The following MAGI3 variants were observed in gnomAD, a reference collection of about 807,000 sequenced individuals.
MAGI3 encodes the protein membrane-associated guanylate kinase, WW and PDZ domain-containing protein 3.
Under a neutral mutation model 121.8 loss-of-function variants are expected in MAGI3, and 43 were observed. That is an observed-to-expected ratio of 0.35 (90% CI 0.28 to 0.46). The LOEUF is 0.46. MAGI3 is among the 20% of genes least tolerant of loss of function. The pLI, the probability that MAGI3 is intolerant of heterozygous loss-of-function variation, is 1.00. For synonymous variants in MAGI3, 553 were observed against 639.3 expected (o/e 0.86, Z 2.04); for missense variants, 1,547 against 1,797.3 (o/e 0.86, Z 2.52).
chr1:113,625,738 A>G (rs1393303105), intron 9 of MAGI3, among the ~76,000 whole-genome samples: 2 of 152,126 alleles, frequency 1.3e-5, no homozygotes, highest in Non-Finnish European at 2.9e-5. Context: ...GTGTTGAGTA[A>G]CAGTGGTGAA....
At chr1:113,485,648 G>A (rs867942529) in intron 1 of MAGI3, among the ~76,000 whole-genome samples, 5 of 152,050 alleles carry the variant, frequency 3.3e-5, no homozygotes, top group Admixed American at 1.3e-4. Context: ...CTTTTGCTTC[G>A]CAGAAGCTTT....
chr1:113,590,393 A>G, intron 4 of MAGI3, 91 bp from the exon 5 acceptor site: 2 of 1,230,450 alleles, frequency 1.6e-6, no homozygotes, highest in Non-Finnish European at 1.1e-6. Flanking sequence ...ATATTTATGT[A>G]TTTGGAATTT....
chr1:113,599,572 A>G (rs557291056), intron 6 of MAGI3, among the ~76,000 whole-genome samples: 5 of 152,088 alleles, frequency 3.3e-5, no homozygotes, highest in African/African-American at 9.6e-5. Context: ...AATTGTGGCA[A>G]TAATCAATAG....
At chr1:113,445,124 G>A (rs974646591) in intron 1 of MAGI3, among the ~76,000 whole-genome samples, 10 of 152,094 alleles carry the variant, frequency 6.6e-5, no homozygotes, top group African/African-American at 2.4e-5. Flanking sequence ...CTACCAAGTG[G>A]ACCAACATAA....
At chr1:113,509,231 C>T (rs1184203000) in intron 1 of MAGI3, among the ~76,000 whole-genome samples, 3 of 152,046 alleles carry the variant, frequency 2.0e-5, no homozygotes, top group African/African-American at 4.8e-5. Context: ...AAAAACCCCA[C>T]TAACAACCCT....
chr1:113,412,426 T>C (rs892673661), intron 1 of MAGI3, among the ~76,000 whole-genome samples: 1 of 152,198 alleles, frequency 6.6e-6, no homozygotes, highest in Non-Finnish European at 1.5e-5. Flanking sequence ...ATTCTAGTTC[T>C]AGATCCTTGA....
intron 1 of MAGI3, among the ~76,000 whole-genome samples, chr1:113,466,516 A>G (rs745380814): frequency 3.9e-5 from 6 of 152,076 alleles, no homozygotes; most frequent in Middle Eastern, 6.8e-3. Flanking sequence ...GAGTTTGGAT[A>G]TATTCCCTCT....
chr1:113,513,985 A>G (rs1396512635), intron 1 of MAGI3, among the ~76,000 whole-genome samples: 6 of 152,088 alleles, frequency 3.9e-5, no homozygotes, highest in African/African-American at 1.2e-4. Flanking sequence ...GACACTTCTC[A>G]AAAGAAGACA....
At chr1:113,559,804 C>T (rs187923518) in intron 2 of MAGI3, among the ~76,000 whole-genome samples, 73 of 152,262 alleles carry the variant, frequency 4.8e-4, no homozygotes, top group African/African-American at 1.8e-3. Context: ...TTCCTGACCT[C>T]AAGTGGTCTA....
intron 7 of MAGI3, among the ~76,000 whole-genome samples, chr1:113,615,931 ATT>A (rs1265138689): frequency 6.6e-6 from 1 of 152,050 alleles, no homozygotes; most frequent in African/African-American, 2.4e-5. Flanking sequence ...GTTTTGCAGG[ATT>A]TTTTTCTTCC....
At chr1:113,503,219 TAAAAAAAAAAAAAA>T (rs869272201) in intron 1 of MAGI3, among the ~76,000 whole-genome samples, 68 of 8,986 alleles carry the variant, frequency 7.6e-3, no homozygotes, top group African/African-American at 0.039. Flanking sequence ...AGAGTATAAT[TAAAAAAAAAAAAAA>T]AAAAAAAAAA....
Position 113,651,188 on chromosome 1 carries a change from C to T in MAGI3, c.2422C>T (p.Arg808Trp), listed in dbSNP as rs1301277709. ...TGGCCATGTGTTACTAACTGTCAGA[C>T]GGAAGATCTTCTATGGAGGTGTGTG... is the stretch of plus-strand genomic sequence containing the variant. ...RNGHVLLTVRRKIFYGEKQPE... is the reference protein window; with the variant it reads ...RNGHVLLTVRWKIFYGEKQPE... Residue 808 changes from arginine (R) to tryptophan (W), a missense_variant, in exon 14 of 21, where the codon CGG (arginine) becomes TGG (tryptophan). Transcript: ENST00000307546. 7 of 1,611,312 alleles carry T rather than the reference C, an allele frequency of 4.3e-6. No individual in the cohort carries two copies. Among genetic ancestry groups the T allele is most frequent in the African/African-American group, 1.3e-5 (1 of 74,764 alleles).
chr1:113,586,423 A>G (rs1311443930), intron 4 of MAGI3, among the ~76,000 whole-genome samples: 3 of 152,166 alleles, frequency 2.0e-5, no homozygotes, highest in Admixed American at 1.3e-4. Flanking sequence ...AATCTTTTTC[A>G]TCAATTATTA....
chr1:113,487,664 A>G (rs34118444), intron 1 of MAGI3, among the ~76,000 whole-genome samples: 2 of 152,134 alleles, frequency 1.3e-5, no homozygotes, highest in Admixed American at 1.3e-4. Flanking sequence ...ATACATTATA[A>G]CAAATTTAAG....
chr1:113,550,697 A>C (rs1659745749), intron 2 of MAGI3, among the ~76,000 whole-genome samples: 1 of 151,006 alleles, frequency 6.6e-6, no homozygotes. Context: ...CGGAGATTGC[A>C]GTGAGCCGAG....
rs1648256210 is a variant in MAGI3, at chr1:113,682,141, A to G, written c.3329-756A>G. The G allele has an allele frequency of 9.9e-6, 15 of 1,516,338 alleles. 1 individual carries two copies. Among genetic ancestry groups the G allele is most frequent in the Admixed American group, 2.2e-5 (1 of 46,476 alleles). 93.9% of individuals were successfully genotyped at this position (1,516,338 alleles called of 1,614,324 possible). A position where few individuals can be genotyped will look rare whatever the true frequency, so the allele number is the denominator to read the frequency against. ...TTGTAAATCATATGTTCCCAGTGAC[A>G]TCTTTGCTAACTGCACTGATTTTTT... On this transcript the variant is annotated intron_variant, in intron 20 of 20. Transcript: ENST00000307546.
At chr1:113,637,782 G>A (rs1216950291) in intron 9 of MAGI3, among the ~76,000 whole-genome samples, 1 of 151,874 alleles carries the variant, frequency 6.6e-6, no homozygotes, top group Non-Finnish European at 1.5e-5. Flanking sequence ...GGCCTGCCTT[G>A]CTAGGTTGGG....
In MAGI3 at chr1:113,585,384, C is replaced by T; in HGVS notation, c.554-3C>T. On this transcript the variant is annotated splice_region_variant and splice_polypyrimidine_tract_variant and intron_variant, in intron 3 of 20. Transcript: ENST00000307546. Reference sequence around the variant, plus strand: ...ATTTCAGCTGCTATTTTATTCACTTCAGGAAACTTCTATGGAACTCCCAAG... The same window carrying T: ...ATTTCAGCTGCTATTTTATTCACTTTAGGAAACTTCTATGGAACTCCCAAG... The T allele has an allele frequency of 1.7e-5, 28 of 1,613,576 alleles. No individual in the cohort carries two copies. Among genetic ancestry groups the T allele is most frequent in the Non-Finnish European group, 2.4e-5 (28 of 1,179,634 alleles).
Position 113,673,449 on chromosome 1 carries a change from A to G in MAGI3, c.3173A>G (p.Lys1058Arg). The G allele has an allele frequency of 6.2e-7, 1 of 1,612,914 alleles. No individual in the cohort carries two copies. The highest frequency in any genetic ancestry group is 8.5e-7 in the Non-Finnish European group (1 of 1,179,888). Residue 1058 changes from lysine to arginine, a missense_variant, in exon 19 of 21, where the codon AAA becomes AGA. Coordinates refer to ENST00000307546, the MANE Select transcript of MAGI3 (RefSeq NM_001142782.2). ...CTTGCTGAAGATGGTCCTGCCATCA[A>G]AGATGGCAGAATTCATGTGAGTTGG... ...LRLAEDGPAIKDGRIHVGDQI... is the reference protein window; with the variant it reads ...LRLAEDGPAIRDGRIHVGDQI...
Sources: allele counts gnomAD v4.1 joint callset (sites outside exome capture counted in the v4.1 genomes callset), GRCh38; gene constraint gnomAD v4.1.1; transcripts MANE v1.5; gene names NCBI Gene and HGNC (gene_info 2026-07-23, HGNC 2026-07-21).